Variants in PARD3 observed in about 807,000 individuals in gnomAD.
PARD3 encodes the protein partitioning defective 3 homolog.
In PARD3, 75 loss-of-function variants were observed where a neutral mutation model predicts 155.4. The observed-to-expected ratio is 0.48, with a 90% CI of 0.40 to 0.58. The LOEUF (loss-of-function observed/expected upper bound fraction) is 0.58. PARD3 is among the 20% of genes least tolerant of loss of function. The pLI is 0.00. For synonymous variants in PARD3, 576 were observed against 610.5 expected (o/e 0.94, Z 0.83); for missense variants, 1,642 against 1,721.7 (o/e 0.95, Z 0.82).
chr10:34,324,515 G>A (rs1423512121), intron 19 of PARD3, among the ~76,000 whole-genome samples: 8 of 152,128 alleles, frequency 5.3e-5, no homozygotes, highest in Admixed American at 5.2e-4. Context: ...GGGTAAGCAC[G>A]GACACTTGAG....
At chr10:34,673,053 C>T (rs767020254) in intron 2 of PARD3, among the ~76,000 whole-genome samples, 3 of 152,090 alleles carry the variant, frequency 2.0e-5, no homozygotes, top group Admixed American at 6.6e-5. Flanking sequence ...GTGATCTAAA[C>T]GATTCTATTC....
At chr10:34,319,237 C>A (rs184714524) in intron 19 of PARD3, among the ~76,000 whole-genome samples, 1 of 151,902 alleles carries the variant, frequency 6.6e-6, no homozygotes, top group Non-Finnish European at 1.5e-5. Context: ...TACAGGCACA[C>A]GCCACCACAC....
chr10:34,309,896 CAAAAA>C (rs552115285), intron 20 of PARD3, among the ~76,000 whole-genome samples: 1 of 95,582 alleles, frequency 1.0e-5, no homozygotes, highest in Non-Finnish European at 1.9e-5. Context: ...ATCAACCATC[CAAAAA>C]AAAAAAAAAA....
At chr10:34,348,450 G>C (rs911000360) in intron 14 of PARD3, among the ~76,000 whole-genome samples, 5 of 152,150 alleles carry the variant, frequency 3.3e-5, no homozygotes, top group Admixed American at 2.0e-4. Context: ...AAGTTACAGT[G>C]TAATTCAGAA....
chr10:34,274,465 TTC>T (rs1353355228), intron 21 of PARD3, among the ~76,000 whole-genome samples: 1 of 152,092 alleles, frequency 6.6e-6, no homozygotes, highest in African/African-American at 2.4e-5. Flanking sequence ...GGAAAATGAG[TTC>T]TTTCTTACAT....
intron 9 of PARD3, among the ~76,000 whole-genome samples, chr10:34,381,336 T>TA (rs914925808): frequency 1.8e-4 from 27 of 151,478 alleles, no homozygotes; most frequent in South Asian, 4.2e-4. Flanking sequence ...GTTGAGCCTA[T>TA]AAAAAAAAAT....
intron 5 of PARD3, among the ~76,000 whole-genome samples, chr10:34,441,645 A>ACGTT (rs1347794471): frequency 2.0e-5 from 3 of 151,946 alleles, no homozygotes; most frequent in African/African-American, 4.8e-5. Flanking sequence ...TCTAAGAAGA[A>ACGTT]CGTCCACCAG....
chr10:34,770,384 C>A (rs184501152), intron 1 of PARD3, among the ~76,000 whole-genome samples: 1 of 145,268 alleles, frequency 6.9e-6, no homozygotes, highest in Non-Finnish European at 1.5e-5. Context: ...CTCGAGCCCT[C>A]GGCTAGCCTG....
chr10:34,446,039 C>T (rs2076722279), intron 5 of PARD3, among the ~76,000 whole-genome samples: 1 of 152,078 alleles, frequency 6.6e-6, no homozygotes, highest in Admixed American at 6.5e-5. Flanking sequence ...CAATTCCAGC[C>T]AACAAACATG....
chr10:34,387,960 C>T (rs1001905431), intron 7 of PARD3, among the ~76,000 whole-genome samples: 15 of 152,162 alleles, frequency 9.9e-5, no homozygotes, highest in African/African-American at 3.6e-4. Context: ...ATCATAAATA[C>T]ACCACACACG....
At chr10:34,600,073 G>A (rs537822401) in intron 2 of PARD3, among the ~76,000 whole-genome samples, 209 of 152,074 alleles carry the variant, frequency 1.4e-3, no homozygotes, top group Non-Finnish European at 2.1e-3. Context: ...AGTGGCTCAT[G>A]GCTATAATCC....
At chr10:34,542,100 C>T (rs116594859) in intron 2 of PARD3, among the ~76,000 whole-genome samples, 2,060 of 152,028 alleles carry the variant, frequency 0.014, 48 homozygotes, top group African/African-American at 0.046. Context: ...AGAAAAATAT[C>T]CTCACAAACA....
At chr10:34,309,750 A>G (rs375082028) in intron 20 of PARD3, among the ~76,000 whole-genome samples, 6 of 36,806 alleles carry the variant, frequency 1.6e-4, no homozygotes, top group East Asian at 1.1e-3. Context: ...CATCTCCCCC[A>G]CCCCCCCGCC....
In PARD3 at chr10:34,721,133, TTACC is replaced by T. The variant is rs1163625365; in HGVS notation, c.121-24718_121-24715del. Among the ~76,000 whole-genome samples the T allele has an allele frequency of 2.0e-5, 3 of 152,284 alleles. No homozygotes were observed. The East Asian group carries it at 5.8e-4, about 29-fold the overall frequency. ...CTATTCAAAGTAACTTTGAAAAAGC[TTACC>T]TAAAGGAATATGATACAGAGACAGA... On this transcript the variant is annotated intron_variant, in intron 1 of 24. Transcript: ENST00000374788.
At chr10:34,639,424 A>C (rs1369669555) in intron 2 of PARD3, among the ~76,000 whole-genome samples, 1 of 152,222 alleles carries the variant, frequency 6.6e-6, no homozygotes, top group Admixed American at 6.5e-5. Flanking sequence ...CAAGGAAAAA[A>C]AACACGTTTT....
chr10:34,492,131 T>C (rs2079953493), intron 3 of PARD3, among the ~76,000 whole-genome samples: 1 of 152,202 alleles, frequency 6.6e-6, no homozygotes, highest in Admixed American at 6.5e-5. Context: ...TCAATCTTAT[T>C]TGATTTTACA....
In PARD3 at chr10:34,470,125, T is replaced by C. The variant is rs1055868074; in HGVS notation, c.542A>G (p.Lys181Arg). Residue 181 changes from lysine (K) to arginine (R), a missense_variant, in exon 4 of 25, where the codon AAG (lysine) becomes AGG (arginine). Physicochemically the swap from Lys to Arg is conservative, Grantham distance 26 (BLOSUM62 2). Transcript: ENST00000374788. ...TTTAGGACTCCCAGCAGTGTTCTGC[T>C]TGAGGAAGCCAGCTGTTGTTGACCA... ...TRWSTTAGFLKQNTAGSPKTC... is the reference protein window; with the variant it reads ...TRWSTTAGFLRQNTAGSPKTC... 3 of 1,612,918 alleles carry C rather than the reference T, an allele frequency of 1.9e-6. No homozygotes were observed. The highest frequency in any genetic ancestry group is 2.5e-6 in the Non-Finnish European group (3 of 1,179,582).
At chr10:34,701,866 T>C (rs2133544383) in intron 1 of PARD3, among the ~76,000 whole-genome samples, 1 of 152,120 alleles carries the variant, frequency 6.6e-6, no homozygotes, top group African/African-American at 2.4e-5. Flanking sequence ...TAAAATATAA[T>C]AATAAAACAA....
At position 34,155,660 on chromosome 10, in the gene PARD3, C is replaced by T. The variant is rs1033884771; in HGVS notation, c.3420-24077G>A. Among the ~76,000 whole-genome samples the T allele has an allele frequency of 1.6e-3, 199 of 127,652 alleles. 1 individual carries two copies. Among genetic ancestry groups the T allele is most frequent in the African/African-American group, 5.8e-3 (181 of 30,984 alleles). 83.7% of individuals were successfully genotyped at this position (127,652 alleles called of 152,430 possible). On this transcript the variant is annotated intron_variant, in intron 22 of 24. Coordinates refer to ENST00000374788, the MANE Select transcript of PARD3 (RefSeq NM_001184785.2). ...TCATCATCTTCAGAAACCACAAGCC[C>T]TCTAAAAATGTGTGTGTGTGTGTGT...
Sources: gnomAD v4.1 joint callset for allele counts (sites outside exome capture counted in the v4.1 genomes callset) on GRCh38, gnomAD v4.1.1 for gene constraint, MANE v1.5 for transcripts, NCBI Gene and HGNC (gene_info 2026-07-23, HGNC 2026-07-21) for gene names.